The following TMEM232 variants were observed in gnomAD, a reference collection of about 807,000 sequenced individuals.
TMEM232 encodes transmembrane protein 232.
TMEM232 carries 80 observed loss-of-function variants against 78.8 expected under a neutral mutation model. The ratio of observed to expected loss-of-function variants is 1.01; its 90% CI spans 0.85 to 1.22. The LOEUF is 1.22. TMEM232 is among the 50% of genes most tolerant of loss of function. The pLI is 0.00. For missense variants in TMEM232, 881 were observed against 742.2 expected (o/e 1.19, Z -2.17); for synonymous variants, 297 against 254.3 (o/e 1.17, Z -1.60).
At chr5:110,731,813 T>G (rs1798705218) in intron 2 of TMEM232, among the ~76,000 whole-genome samples, 1 of 152,222 alleles carries the variant, frequency 6.6e-6, no homozygotes, top group Non-Finnish European at 1.5e-5. Context: ...CCCATGGTCT[T>G]GGGGATTAAC....
intron 7 of TMEM232, among the ~76,000 whole-genome samples, chr5:110,622,271 T>C (rs1783844765): frequency 6.6e-6 from 1 of 152,166 alleles, no homozygotes. Context: ...CAGAATGAGA[T>C]TGCTAATCAT....
chr5:110,665,459 G>T (rs989396522), intron 2 of TMEM232, among the ~76,000 whole-genome samples: 1 of 152,086 alleles, frequency 6.6e-6, no homozygotes, highest in East Asian at 1.9e-4. Flanking sequence ...TGGCTGGGGA[G>T]GCCACAGGAA....
chr5:110,427,445 C>T (rs866314218), intron 12 of TMEM232, among the ~76,000 whole-genome samples: 1 of 151,866 alleles, frequency 6.6e-6, no homozygotes, highest in South Asian at 2.1e-4. Flanking sequence ...GAGGACTAGA[C>T]AATTTTGTCG....
chr5:110,552,770 C>T (rs2149620726), intron 11 of TMEM232, among the ~76,000 whole-genome samples: 1 of 152,008 alleles, frequency 6.6e-6, no homozygotes, highest in East Asian at 1.9e-4. Context: ...TATCATTAAA[C>T]ATAATTAAGA....
intron 9 of TMEM232, among the ~76,000 whole-genome samples, chr5:110,605,580 C>T (rs1781449137): frequency 6.6e-6 from 1 of 152,072 alleles, no homozygotes; most frequent in South Asian, 2.1e-4. Context: ...TTGCAATTTA[C>T]TTAGCAGTCA....
At chr5:110,704,956 T>C (rs1795782215) in intron 1 of TMEM232, among the ~76,000 whole-genome samples, 1 of 152,128 alleles carries the variant, frequency 6.6e-6, no homozygotes, top group African/African-American at 2.4e-5. Context: ...TGGAGGTCTA[T>C]GAAACATTCT....
intron 12 of TMEM232, among the ~76,000 whole-genome samples, chr5:110,472,976 T>G (rs966639089): frequency 1.3e-5 from 2 of 149,532 alleles, no homozygotes; most frequent in Admixed American, 1.3e-4. Context: ...AAAACCAGAA[T>G]AAAACATAGA....
chr5:110,698,701 G>C (rs1324260804), intron 1 of TMEM232, among the ~76,000 whole-genome samples: 2 of 152,068 alleles, frequency 1.3e-5, no homozygotes, highest in Admixed American at 6.6e-5. Flanking sequence ...GGACCTCTAA[G>C]AGGAGTAGTA....
chr5:110,456,525 T>C (rs1308929871), intron 12 of TMEM232, among the ~76,000 whole-genome samples: 1 of 152,122 alleles, frequency 6.6e-6, no homozygotes, highest in African/African-American at 2.4e-5. Context: ...GGATTTTATA[T>C]AGTAATAGAT....
chr5:110,562,645 G>A (rs943649197), intron 11 of TMEM232, among the ~76,000 whole-genome samples: 12 of 152,072 alleles, frequency 7.9e-5, no homozygotes, highest in Non-Finnish European at 1.3e-4. Context: ...GTGCTTTCTG[G>A]ATGAGACAAT....
intron 12 of TMEM232, among the ~76,000 whole-genome samples, chr5:110,522,295 T>C (rs1769644682): frequency 1.3e-5 from 2 of 152,208 alleles, no homozygotes; most frequent in Non-Finnish European, 2.9e-5. Flanking sequence ...ACTGAATTCA[T>C]TTATTACTTC....
At chr5:110,527,624 T>A (rs1770784448) in intron 12 of TMEM232, among the ~76,000 whole-genome samples, 1 of 151,790 alleles carries the variant, frequency 6.6e-6, no homozygotes, top group Non-Finnish European at 1.5e-5. Flanking sequence ...ATGTAATGTA[T>A]AAAACAATAT....
chr5:110,423,122 A>G (rs1756852024), intron 13 of TMEM232, among the ~76,000 whole-genome samples: 1 of 152,092 alleles, frequency 6.6e-6, no homozygotes, highest in Non-Finnish European at 1.5e-5. Context: ...AGCTGAGGGG[A>G]TGTGTTTTTG....
intron 12 of TMEM232, among the ~76,000 whole-genome samples, chr5:110,452,476 C>G (rs1489638069): frequency 1.3e-5 from 2 of 152,054 alleles, no homozygotes; most frequent in East Asian, 3.9e-4. Flanking sequence ...AAGAAAAACC[C>G]TGAATTGATT....
intron 11 of TMEM232, among the ~76,000 whole-genome samples, chr5:110,533,168 A>G (rs1422106688): frequency 6.6e-6 from 1 of 152,148 alleles, no homozygotes; most frequent in African/African-American, 2.4e-5. Context: ...CCTGACATCC[A>G]TCAGTCCCAG....
At chr5:110,683,760 G>C (rs1793051196) in intron 1 of TMEM232, among the ~76,000 whole-genome samples, 1 of 151,476 alleles carries the variant, frequency 6.6e-6, no homozygotes, top group South Asian at 2.1e-4. Context: ...GTACTTATTG[G>C]GAAATATTAC....
At chr5:110,446,598 G>A (rs1315304658) in intron 12 of TMEM232, among the ~76,000 whole-genome samples, 1 of 152,068 alleles carries the variant, frequency 6.6e-6, no homozygotes, top group Non-Finnish European at 1.5e-5. Flanking sequence ...CTAGTTAGAA[G>A]ATATAATGGT....
intron 1 of TMEM232, among the ~76,000 whole-genome samples, chr5:110,681,649 G>T (rs1187310236): frequency 6.6e-6 from 1 of 152,142 alleles, no homozygotes; most frequent in Non-Finnish European, 1.5e-5. Flanking sequence ...GAAGTAGAGT[G>T]GAATATTTAA....
At chr5:110,463,069 A>C (rs1156718655) in intron 12 of TMEM232, among the ~76,000 whole-genome samples, 3 of 152,140 alleles carry the variant, frequency 2.0e-5, no homozygotes, top group East Asian at 3.9e-4. Context: ...CCATTTTTGA[A>C]AAAAAGTTCT....
Sources: allele counts gnomAD v4.1 joint callset (sites outside exome capture counted in the v4.1 genomes callset), GRCh38; gene constraint gnomAD v4.1.1; transcripts MANE v1.5; gene names NCBI Gene and HGNC (gene_info 2026-07-23, HGNC 2026-07-21).